BCL2L13: variants seen among roughly 807,000 people sequenced by gnomAD.
The protein encoded by BCL2L13 is bcl-2-like protein 13.
Under a neutral mutation model 25.8 loss-of-function variants are expected in BCL2L13, and 13 were observed. The ratio of observed to expected loss-of-function variants is 0.50; its 90% CI spans 0.33 to 0.80. BCL2L13 has a LOEUF of 0.80. Among genes scored for constraint, BCL2L13 ranks in the 30% least tolerant of loss-of-function variants. The pLI is 0.02. For synonymous variants in BCL2L13, 244 were observed against 230.3 expected (o/e 1.06, Z -0.54); for missense variants, 504 against 574.9 (o/e 0.88, Z 1.26).
Position 17,631,664 on chromosome 22 carries a change from GTGTGTGTATATATATATATATA to G in BCL2L13, c.-650+2661_-650+2682del, listed in dbSNP as rs1454466960. Among the ~76,000 whole-genome samples, 70 of 26,892 alleles carry G rather than the reference GTGTGTGTATATATATATATATA, an allele frequency of 2.6e-3. 3 individuals carry two copies. Among genetic ancestry groups the G allele is most frequent in the African/African-American group, 9.3e-3 (69 of 7,446 alleles). 17.6% of individuals were successfully genotyped at this position (26,892 alleles called of 152,430 possible). The stretch of plus-strand genomic sequence containing the variant: ...ATGGTACGTGTGTGTATGTATGTGT[GTGTGTGTATATATATATATATA>G]TATATATATATATATATATATTTTT... On this transcript the variant is annotated intron_variant, in intron 1 of 6. Coordinates refer to the BCL2L13 transcript ENST00000399782.
At chr22:17,712,909 T>G (rs1208397733) in intron 6 of BCL2L13, among the ~76,000 whole-genome samples, 1 of 152,216 alleles carries the variant, frequency 6.6e-6, no homozygotes, top group Non-Finnish European at 1.5e-5. Context: ...TTGTAAATAT[T>G]CAGTGGATGA....
At chr22:17,689,843 A>C (rs925182979) in intron 4 of BCL2L13, among the ~76,000 whole-genome samples, 1 of 11,372 alleles carries the variant, frequency 8.8e-5, no homozygotes, top group African/African-American at 2.6e-4. Flanking sequence ...ACTCCATCTC[A>C]AAAAAAAAAA....
rs2061348397 is a variant in BCL2L13 at position 17,728,348 on chromosome 22, A to AG, written c.*816dup. ...TATGTACACAGAGAAAATCACATGAAGGAGACCTGGGGTCCCCACTTGTGA... is the reference window on the plus strand; with the variant it reads ...TATGTACACAGAGAAAATCACATGAAGGGAGACCTGGGGTCCCCACTTGTGA... On this transcript the variant is annotated 3_prime_UTR_variant, in exon 7 of 7. Coordinates refer to ENST00000317582, the MANE Select transcript of BCL2L13 (RefSeq NM_015367.4). 6.6e-6 allele frequency: 1 copy of AG among 152,230 alleles called. No individual in the cohort carries two copies. Among genetic ancestry groups the AG allele is most frequent in the Non-Finnish European group, 1.5e-5 (1 of 68,052 alleles). 9.4% of individuals were successfully genotyped at this position (152,230 alleles called of 1,614,324 possible).
chr22:17,691,106 C>T (rs574554787), intron 4 of BCL2L13, among the ~76,000 whole-genome samples: 6 of 152,134 alleles, frequency 3.9e-5, no homozygotes, highest in African/African-American at 1.2e-4. Flanking sequence ...CCTCAAGCAA[C>T]TCTCCCACCT....
chr22:17,662,279 C>T (rs2059094052), intron 2 of BCL2L13, among the ~76,000 whole-genome samples: 1 of 152,002 alleles, frequency 6.6e-6, no homozygotes, highest in Non-Finnish European at 1.5e-5. Context: ...GAGATCGAGA[C>T]CATCCTGGCT....
chr22:17,631,900 T>G (rs1295070399), intron 1 of BCL2L13, among the ~76,000 whole-genome samples: 1 of 150,812 alleles, frequency 6.6e-6, no homozygotes, highest in Non-Finnish European at 1.5e-5. Context: ...TTTTGTATTT[T>G]TAGTAGAGAT....
At chr22:17,678,541 G>T (rs1183615665) in intron 2 of BCL2L13, among the ~76,000 whole-genome samples, 1 of 152,118 alleles carries the variant, frequency 6.6e-6, no homozygotes, top group African/African-American at 2.4e-5. Flanking sequence ...CTTCTTTATG[G>T]TAGTGGTAGA....
At chr22:17,663,254 G>A (rs962386578) in intron 2 of BCL2L13, among the ~76,000 whole-genome samples, 1 of 152,188 alleles carries the variant, frequency 6.6e-6, no homozygotes, top group Non-Finnish European at 1.5e-5. Flanking sequence ...GCTTAAGAGT[G>A]AGTAGTAGTA....
chr22:17,671,523 C>T (rs1295743662), intron 2 of BCL2L13, among the ~76,000 whole-genome samples: 5 of 150,504 alleles, frequency 3.3e-5, no homozygotes, highest in African/African-American at 7.3e-5. Flanking sequence ...GTTGAGATCG[C>T]GCCATGCACT....
At chr22:17,646,953 ATATTTTT>A (rs1243530519) in intron 1 of BCL2L13, among the ~76,000 whole-genome samples, 141 of 21,594 alleles carry the variant, frequency 6.5e-3, no homozygotes, top group African/African-American at 0.018. Context: ...ATATATATAT[ATATTTTT>A]TTTTTTTTTT....
chr22:17,703,908 A>G (rs1164313452), intron 6 of BCL2L13, among the ~76,000 whole-genome samples: 2 of 152,206 alleles, frequency 1.3e-5, no homozygotes, highest in African/African-American at 2.4e-5. Flanking sequence ...GTGCTTTACA[A>G]CAAGGGAAGA....
At chr22:17,710,864 G>A (rs1409434621) in intron 6 of BCL2L13, among the ~76,000 whole-genome samples, 10 of 151,708 alleles carry the variant, frequency 6.6e-5, no homozygotes, top group Non-Finnish European at 1.5e-4. Context: ...GCGACAGAGC[G>A]AGACTCCGTC....
chr22:17,715,148 A>T (rs1333182310), intron 6 of BCL2L13, among the ~76,000 whole-genome samples: 13 of 10,558 alleles, frequency 1.2e-3, no homozygotes, highest in South Asian at 5.2e-3. Flanking sequence ...ATATATATAT[A>T]TATATATATA....
chr22:17,687,204 T>C (rs1329266353), intron 3 of BCL2L13, among the ~76,000 whole-genome samples: 3 of 152,266 alleles, frequency 2.0e-5, no homozygotes, highest in East Asian at 3.8e-4. Context: ...TCCTGGTAGC[T>C]GATGCCTTGC....
At chr22:17,651,791 A>C (rs921354910) in intron 1 of BCL2L13, among the ~76,000 whole-genome samples, 1 of 151,958 alleles carries the variant, frequency 6.6e-6, no homozygotes, top group African/African-American at 2.4e-5. Flanking sequence ...CCCGGGTTCA[A>C]GTGATTCTCC....
chr22:17,656,335 CTTTTTT>C (rs890631679), intron 2 of BCL2L13, among the ~76,000 whole-genome samples: 5 of 57,868 alleles, frequency 8.6e-5, no homozygotes, highest in Admixed American at 6.6e-4. Context: ...TCATTTTATT[CTTTTTT>C]TTTTTTTTTT....
chr22:17,663,683 CTTTTTTTT>C (rs61709181), intron 2 of BCL2L13, among the ~76,000 whole-genome samples: 2 of 107,468 alleles, frequency 1.9e-5, no homozygotes, highest in East Asian at 2.7e-4. Context: ...TACATTTTTC[CTTTTTTTT>C]TTTTTTTTTT....
chr22:17,708,328 G>T (rs557476812), intron 6 of BCL2L13, among the ~76,000 whole-genome samples: 1 of 152,262 alleles, frequency 6.6e-6, no homozygotes, highest in East Asian at 1.9e-4. Flanking sequence ...CATCTAAGAG[G>T]TAGGACAGCA....
chr22:17,722,378 G>GCGTGTGTGTGTGTGTGTGTGTGT (rs1491171137), intron 6 of BCL2L13, among the ~76,000 whole-genome samples: 5 of 122,066 alleles, frequency 4.1e-5, no homozygotes, highest in African/African-American at 2.1e-4. Flanking sequence ...AGACTACAGG[G>GCGTGTGTGTGTGTGTGTGTGTGT]GTGTGTGTGT....
Sources: allele counts gnomAD v4.1 joint callset (sites outside exome capture counted in the v4.1 genomes callset), GRCh38; gene constraint gnomAD v4.1.1; transcripts MANE v1.5; gene names NCBI Gene and HGNC (gene_info 2026-07-23, HGNC 2026-07-21).